Variants in LUZP1 observed in about 807,000 individuals in gnomAD.
LUZP1 encodes filamin mechanobinding actin cross-linking protein.
A neutral mutation model predicts 71.3 loss-of-function variants in LUZP1; 25 were observed. The ratio of observed to expected loss-of-function variants is 0.35; its 90% CI spans 0.26 to 0.49. The LOEUF (loss-of-function observed/expected upper bound fraction) is 0.49. Among genes scored for constraint, LUZP1 ranks in the 20% least tolerant of loss-of-function variants. The pLI, the probability that LUZP1 is intolerant of heterozygous loss-of-function variation, is 0.99. For missense variants in LUZP1, 1,142 were observed against 1,300.8 expected, an observed-to-expected ratio of 0.88 and a Z score of 1.88; for synonymous variants, 481 against 506.4, an observed-to-expected ratio of 0.95 and a Z score of 0.67.
At chr1:23,086,499 A>C (rs1643768661) in exon 5 of LUZP1, 1 of 152,682 alleles carries the variant, frequency 6.5e-6, no homozygotes, top group African/African-American at 2.4e-5. Flanking sequence ...CTTTGGCACC[A>C]GGAGCTATAG....
intron 2 of LUZP1, among the ~76,000 whole-genome samples, chr1:23,110,628 GCACACATACACACACA>G (rs1196937734): frequency 2.0e-5 from 1 of 48,944 alleles, no homozygotes; most frequent in African/African-American, 6.1e-5. Flanking sequence ...GCATGAACGC[GCACACATACACACACA>G]CACACACACA....
At chr1:23,145,268 CTT>C (rs1644333297) in intron 2 of LUZP1, among the ~76,000 whole-genome samples, 1 of 152,032 alleles carries the variant, frequency 6.6e-6, no homozygotes, top group African/African-American at 2.4e-5. Context: ...TAAAACAAGA[CTT>C]ACTATAACAG....
At chr1:23,116,427 G>T (rs1346813782) in intron 2 of LUZP1, among the ~76,000 whole-genome samples, 10 of 152,064 alleles carry the variant, frequency 6.6e-5, no homozygotes, top group Admixed American at 1.3e-4. Flanking sequence ...AAGCTGAGAC[G>T]GGAGAATTGC....
At chr1:23,105,422 GAACTCTGA>G (rs369384605) in intron 3 of LUZP1, among the ~76,000 whole-genome samples, 103 of 152,238 alleles carry the variant, frequency 6.8e-4, no homozygotes, top group African/African-American at 2.4e-3. Flanking sequence ...TAAAGTTTAC[GAACTCTGA>G]AGCCAGGCAG....
chr1:23,169,513 T>A (rs1644538142), intron 1 of LUZP1, among the ~76,000 whole-genome samples: 1 of 152,186 alleles, frequency 6.6e-6, no homozygotes, highest in African/African-American at 2.4e-5. Flanking sequence ...TCGGGAGGCA[T>A]GGGTTCCCGT....
At chr1:23,138,536 T>C (rs1468481878) in intron 2 of LUZP1, among the ~76,000 whole-genome samples, 1 of 152,056 alleles carries the variant, frequency 6.6e-6, no homozygotes, top group Non-Finnish European at 1.5e-5. Flanking sequence ...TATGGGTTTC[T>C]TTTGGGGGTG....
chr1:23,166,082 C>T (rs916442330), intron 2 of LUZP1, among the ~76,000 whole-genome samples: 1 of 150,136 alleles, frequency 6.7e-6, no homozygotes, highest in Non-Finnish European at 1.5e-5. Context: ...AAAAACAGCA[C>T]ACTTCAAGTG....
At chr1:23,088,413 G>C (rs1643800101) in exon 5 of LUZP1, 1 of 153,706 alleles carries the variant, frequency 6.5e-6, no homozygotes, top group African/African-American at 2.4e-5. Context: ...CCCCTAGATA[G>C]AGCTGATGGC....
intron 2 of LUZP1, among the ~76,000 whole-genome samples, chr1:23,128,039 G>T (rs937667372): frequency 1.3e-5 from 2 of 152,074 alleles, no homozygotes; most frequent in African/African-American, 4.8e-5. Flanking sequence ...GCTGAGGCAG[G>T]AGAATCGCTT....
At chr1:23,139,200 AT>A (rs1644284375) in intron 2 of LUZP1, among the ~76,000 whole-genome samples, 1 of 150,872 alleles carries the variant, frequency 6.6e-6, no homozygotes. Context: ...AAAAAGTAAA[AT>A]GCCAACACAA....
intron 2 of LUZP1, among the ~76,000 whole-genome samples, chr1:23,132,912 G>A (rs1644225575): frequency 6.6e-6 from 1 of 152,258 alleles, no homozygotes; most frequent in South Asian, 2.1e-4. Context: ...TTTAATACAA[G>A]CTTTTACATA....
intron 2 of LUZP1, among the ~76,000 whole-genome samples, chr1:23,141,897 G>A (rs1361176058): frequency 1.3e-5 from 2 of 150,606 alleles, no homozygotes; most frequent in South Asian, 2.1e-4. Context: ...AGGCTGGAGT[G>A]CAATGGCGCC....
At chr1:23,089,973 T>C (rs1643829008) in intron 4 of LUZP1, among the ~76,000 whole-genome samples, 1 of 152,202 alleles carries the variant, frequency 6.6e-6, no homozygotes, top group Non-Finnish European at 1.5e-5. Context: ...TTGTCCAGGC[T>C]GGTCTTGAAC....
At chr1:23,129,693 T>A (rs1054312080) in intron 2 of LUZP1, among the ~76,000 whole-genome samples, 2 of 152,146 alleles carry the variant, frequency 1.3e-5, no homozygotes, top group Non-Finnish European at 2.9e-5. Context: ...CGCAACAAAA[T>A]CCTCCAACTA....
intron 2 of LUZP1, among the ~76,000 whole-genome samples, chr1:23,141,382 G>A (rs1227110718): frequency 1.3e-5 from 2 of 152,316 alleles, no homozygotes; most frequent in African/African-American, 2.4e-5. Context: ...CCATGTTCAA[G>A]GGACCCAAGA....
chr1:23,133,849 G>T (rs371036823), intron 2 of LUZP1, among the ~76,000 whole-genome samples: 18 of 152,292 alleles, frequency 1.2e-4, no homozygotes, highest in African/African-American at 4.3e-4. Flanking sequence ...ACAAGGGGAA[G>T]TACACAGCAG....
rs957951838 is a variant in LUZP1, at chr1:23,127,759, G to A, written c.-225-18632C>T. Among the ~76,000 whole-genome samples, 5 of 152,198 alleles carry A rather than the reference G, an allele frequency of 3.3e-5. No individual in the cohort carries two copies. The East Asian group carries it at 9.7e-4, about 30-fold the overall frequency. ...AGGATGGTCTTGATCTCCTGACCTCGTAATCCGCCCACCTCGGCCTCCCAA... is the reference window on the plus strand; with the variant it reads ...AGGATGGTCTTGATCTCCTGACCTCATAATCCGCCCACCTCGGCCTCCCAA... On this transcript the variant is annotated intron_variant, in intron 2 of 4. Coordinates refer to ENST00000302291, the Ensembl canonical transcript of LUZP1.
intron 2 of LUZP1, among the ~76,000 whole-genome samples, chr1:23,167,974 C>T (rs1417729348): frequency 6.6e-6 from 1 of 151,676 alleles, no homozygotes; most frequent in Admixed American, 6.6e-5. Context: ...CCCGGCCCCG[C>T]TCGCCGGCGT....
chr1:23,135,724 T>G (rs1325774395), intron 2 of LUZP1, among the ~76,000 whole-genome samples: 2 of 152,194 alleles, frequency 1.3e-5, no homozygotes, highest in Non-Finnish European at 2.9e-5. Flanking sequence ...CAAATAGGTC[T>G]TTAAAGGAAG....
Sources: allele counts gnomAD v4.1 joint callset (sites outside exome capture counted in the v4.1 genomes callset), GRCh38; gene constraint gnomAD v4.1.1; transcripts MANE v1.5; gene names NCBI Gene and HGNC (gene_info 2026-07-23, HGNC 2026-07-21).